TNS3: variants seen among roughly 807,000 people sequenced by gnomAD.
TNS3 encodes tensin-3.
Under a neutral mutation model 140.9 loss-of-function variants are expected in TNS3, and 45 were observed. That is an observed-to-expected ratio of 0.32 (90% CI 0.25 to 0.41). TNS3 has a LOEUF of 0.41. Ranked by LOEUF, TNS3 falls within the 10% of genes least tolerant of loss-of-function variation. The probability of loss-of-function intolerance (pLI) is 1.00; values close to 1 mark genes in which losing one functional copy is unlikely to be tolerated. For missense variants in TNS3, 1,716 were observed against 1,906.7 expected, an observed-to-expected ratio of 0.90 and a Z score of 1.86; for synonymous variants, 815 against 788.4, an observed-to-expected ratio of 1.03 and a Z score of -0.56.
chr7:47,441,672 C>G (rs554421157), intron 5 of TNS3, among the ~76,000 whole-genome samples: 1 of 152,328 alleles, frequency 6.6e-6, no homozygotes, highest in East Asian at 1.9e-4. Flanking sequence ...GATGCTGGCT[C>G]AGGGCCCCCC....
rs751102678 is a variant in TNS3 at position 47,368,692 on chromosome 7, G to A, written c.1954C>T (p.His652Tyr). ...AVQRGVGSGPHPPDTQQPSPS... is the reference protein window; with the variant it reads ...AVQRGVGSGPYPPDTQQPSPS... ...GAGGGCTGCTGTGTGTCAGGGGGAT[G>A]TGGCCCACTGCCTACACCCCTCTGG... The change falls in exon 17 of 31, where the codon CAT becomes TAT. Residue 652 changes from histidine (H) to tyrosine (Y), a missense_variant. Physicochemically the swap from His to Tyr is moderately conservative, Grantham distance 83. Transcript: ENST00000311160. 1.3e-6 allele frequency: 2 copies of A among 1,589,806 alleles called. No individual in the cohort carries two copies. Among genetic ancestry groups the A allele is most frequent in the African/African-American group, 2.7e-5 (2 of 74,740 alleles).
At chr7:47,462,099 G>A (rs1796514076) in intron 4 of TNS3, among the ~76,000 whole-genome samples, 1 of 152,184 alleles carries the variant, frequency 6.6e-6, no homozygotes, top group Non-Finnish European at 1.5e-5. Context: ...TAAATGAAAG[G>A]TTCAGGATTC....
Position 47,415,318 on chromosome 7 carries a change from C to T in TNS3, c.474-112G>A, listed in dbSNP as rs936194703. On this transcript the variant is annotated intron_variant, in intron 10 of 30. Coordinates refer to ENST00000311160, the MANE Select transcript of TNS3 (RefSeq NM_022748.12). ...TGAGTCTGGGGCTCTGGGAGAGAAT[C>T]GGTCCACTGCTCACAGCCAGGGGTT... The T allele has an allele frequency of 2.6e-5, 18 of 694,532 alleles. No individual in the cohort carries two copies. The East Asian group carries it at 4.0e-4, about 15-fold the overall frequency. The allele number at this position is 694,532 out of a possible 1,614,324, so 43.0% of individuals were successfully genotyped here. A position where few individuals can be genotyped will look rare whatever the true frequency, so the allele number is the denominator to read the frequency against.
chr7:47,363,272 TCA>T (rs1373928222), intron 17 of TNS3, among the ~76,000 whole-genome samples: 1 of 150,564 alleles, frequency 6.6e-6, no homozygotes, highest in African/African-American at 2.4e-5. Context: ...ATCAATATCA[TCA>T]CAGTCATTAC....
intron 16 of TNS3, among the ~76,000 whole-genome samples, chr7:47,384,083 C>T (rs1584530116): frequency 6.6e-6 from 1 of 152,192 alleles, no homozygotes; most frequent in South Asian, 2.1e-4. Flanking sequence ...CCGTGACCAC[C>T]CATTCTCCCC....
intron 20 of TNS3, among the ~76,000 whole-genome samples, chr7:47,327,842 AC>A (rs1421153040): frequency 6.8e-6 from 1 of 148,138 alleles, no homozygotes; most frequent in Non-Finnish European, 1.5e-5. Flanking sequence ...ACCCCTCCCC[AC>A]CCCCCTCCAC....
At chr7:47,280,869 C>T (rs1033116501) in intron 28 of TNS3, among the ~76,000 whole-genome samples, 9 of 151,910 alleles carry the variant, frequency 5.9e-5, no homozygotes, top group Admixed American at 2.6e-4. Flanking sequence ...GCTGAGATCG[C>T]TCCACTGCAC....
At position 47,472,353 on chromosome 7, in the gene TNS3, T is replaced by C. The variant is rs139062198; in HGVS notation, c.-76+8750A>G. Among the ~76,000 whole-genome samples the C allele has an allele frequency of 3.7e-3, 569 of 152,318 alleles. 6 individuals are homozygous for C. The highest frequency in any genetic ancestry group is 0.013 in the African/African-American group (529 of 41,586). Reference sequence around the variant, plus strand: ...AGAAGGAGGGAGGCCCCACTGCATGTTCCAGGTCGAATGTTCTCATAGCAC... The same window carrying C: ...AGAAGGAGGGAGGCCCCACTGCATGCTCCAGGTCGAATGTTCTCATAGCAC... On this transcript the variant is annotated intron_variant, in intron 4 of 30. Transcript: ENST00000311160.
intron 1 of TNS3, among the ~76,000 whole-genome samples, chr7:47,535,033 C>T (rs192067534): frequency 1.3e-5 from 2 of 152,206 alleles, no homozygotes; most frequent in Non-Finnish European, 2.9e-5. Context: ...GCAGCTGGTA[C>T]GTACTTTTCA....
At chr7:47,494,744 C>T (rs1797937397) in intron 3 of TNS3, among the ~76,000 whole-genome samples, 2 of 152,138 alleles carry the variant, frequency 1.3e-5, no homozygotes, top group South Asian at 4.2e-4. Flanking sequence ...CCAGCTGCTC[C>T]CGGGAGGCGG....
intron 1 of TNS3, among the ~76,000 whole-genome samples, chr7:47,545,351 A>T (rs1301548126): frequency 6.6e-6 from 1 of 152,046 alleles, no homozygotes; most frequent in Non-Finnish European, 1.5e-5. Context: ...TATTGGCCAG[A>T]CTGGTCTCTT....
At chr7:47,527,106 G>T (rs917607719) in intron 2 of TNS3, among the ~76,000 whole-genome samples, 23 of 152,006 alleles carry the variant, frequency 1.5e-4, no homozygotes, top group African/African-American at 5.3e-4. Context: ...GCATGGTGGC[G>T]GGCGCCTGTA....
At chr7:47,319,403 TAGAGAGAGAGAC>T (rs1304047930) in intron 20 of TNS3, among the ~76,000 whole-genome samples, 1 of 150,474 alleles carries the variant, frequency 6.6e-6, no homozygotes, top group Admixed American at 6.6e-5. Context: ...GAGAGAGTGA[TAGAGAGAGAGAC>T]AGAGAGAGAG....
In TNS3 at chr7:47,278,052, G is replaced by A. The variant is rs1472028979; in HGVS notation, c.*24C>T. 1 of 1,613,940 alleles carries A rather than the reference G, an allele frequency of 6.2e-7. No homozygotes were observed. Among genetic ancestry groups the A allele is most frequent in the Admixed American group, 1.7e-5 (1 of 60,022 alleles). On this transcript the variant is annotated 3_prime_UTR_variant, in exon 31 of 31. Transcript: ENST00000311160. ...CTCCAGGGCTTCGAGAGGCATCGGTGGGTCCAGGGAGGGAGGGGAGTTCTC... is the reference window on the plus strand; with the variant it reads ...CTCCAGGGCTTCGAGAGGCATCGGTAGGTCCAGGGAGGGAGGGGAGTTCTC...
At chr7:47,493,589 C>T (rs138087174) in intron 3 of TNS3, among the ~76,000 whole-genome samples, 8,882 of 150,252 alleles carry the variant, frequency 0.059, 346 homozygotes, top group Non-Finnish European at 0.088. Context: ...GAGGCCAAGG[C>T]GGGTGGATCA....
chr7:47,401,628 T>C (rs1041873840), intron 13 of TNS3, among the ~76,000 whole-genome samples: 1 of 152,170 alleles, frequency 6.6e-6, no homozygotes, highest in African/African-American at 2.4e-5. Context: ...AGCAAGCCCC[T>C]CCTTGCAGAT....
intron 3 of TNS3, among the ~76,000 whole-genome samples, chr7:47,499,667 A>G (rs920497052): frequency 2.0e-5 from 3 of 152,234 alleles, no homozygotes; most frequent in Non-Finnish European, 4.4e-5. Flanking sequence ...GGAAAAGGCA[A>G]CACTATGAAG....
chr7:47,297,641 T>C (rs1298679594), intron 23 of TNS3, among the ~76,000 whole-genome samples: 4 of 151,904 alleles, frequency 2.6e-5, no homozygotes, highest in Non-Finnish European at 5.9e-5. Flanking sequence ...GATCCAAATA[T>C]ACACAAAGGG....
At chr7:47,334,826 C>T (rs1004966986) in intron 20 of TNS3, among the ~76,000 whole-genome samples, 20 of 152,188 alleles carry the variant, frequency 1.3e-4, no homozygotes, top group African/African-American at 4.3e-4. Flanking sequence ...CCAGGATGGT[C>T]TCTATCTCTT....
Sources: allele counts gnomAD v4.1 joint callset (sites outside exome capture counted in the v4.1 genomes callset), GRCh38; gene constraint gnomAD v4.1.1; transcripts MANE v1.5; gene names NCBI Gene and HGNC (gene_info 2026-07-23, HGNC 2026-07-21).